Variants in NUFIP1 observed in about 807,000 individuals in gnomAD.
The protein encoded by NUFIP1 is nuclear FMR1 interacting protein 1.
A neutral mutation model predicts 56.2 loss-of-function variants in NUFIP1; 38 were observed. The observed-to-expected ratio is 0.68, with a 90% CI of 0.52 to 0.89. NUFIP1 has a LOEUF of 0.89. Among genes scored for constraint, NUFIP1 ranks in the 40% least tolerant of loss-of-function variants. The probability of loss-of-function intolerance (pLI) is 0.00; values close to 1 mark genes in which losing one functional copy is unlikely to be tolerated. For synonymous variants in NUFIP1, 215 were observed against 212.4 expected (o/e 1.01, Z -0.10); for missense variants, 567 against 605.8 (o/e 0.94, Z 0.67).
At chr13:44,957,360 C>T (rs557564991) in intron 7 of NUFIP1, among the ~76,000 whole-genome samples, 29 of 152,236 alleles carry the variant, frequency 1.9e-4, no homozygotes, top group Non-Finnish European at 3.4e-4. Flanking sequence ...TACAGGCATG[C>T]ACCATCACAC....
intron 3 of NUFIP1, among the ~76,000 whole-genome samples, chr13:44,980,329 C>T (rs990257926): frequency 9.2e-5 from 14 of 152,290 alleles, no homozygotes; most frequent in African/African-American, 3.1e-4. Flanking sequence ...TAGCTAGTAC[C>T]TGACAAGGTG....
intron 5 of NUFIP1, among the ~76,000 whole-genome samples, chr13:44,972,503 G>C (rs986835571): frequency 2.0e-5 from 3 of 152,208 alleles, no homozygotes; most frequent in African/African-American, 7.2e-5. Flanking sequence ...TGGAGGGGAG[G>C]CTGCCATCAG....
chr13:44,948,141 CTTTT>C (rs61398364), intron 8 of NUFIP1, among the ~76,000 whole-genome samples: 35 of 120,806 alleles, frequency 2.9e-4, no homozygotes, highest in Admixed American at 1.1e-3. Flanking sequence ...ACTACATTTC[CTTTT>C]TTTTTTTTTT....
chr13:44,954,452 A>C (rs1420703516), intron 7 of NUFIP1, among the ~76,000 whole-genome samples: 1 of 152,222 alleles, frequency 6.6e-6, no homozygotes. Flanking sequence ...AGTGGATTAC[A>C]GTGCTGGGTA....
At chr13:44,948,967 G>A (rs1870987496) in intron 8 of NUFIP1, among the ~76,000 whole-genome samples, 1 of 152,100 alleles carries the variant, frequency 6.6e-6, no homozygotes, top group South Asian at 2.1e-4. Context: ...GATAATTTAT[G>A]TAAATATGCT....
intron 7 of NUFIP1, among the ~76,000 whole-genome samples, chr13:44,951,069 CA>C (rs1306539664): frequency 6.6e-6 from 1 of 152,176 alleles, no homozygotes; most frequent in African/African-American, 2.4e-5. Flanking sequence ...CCTCTCTCCT[CA>C]CTACACACCA....
intron 5 of NUFIP1, among the ~76,000 whole-genome samples, chr13:44,975,933 C>T (rs941643860): frequency 1.3e-5 from 2 of 152,238 alleles, no homozygotes; most frequent in Non-Finnish European, 2.9e-5. Context: ...TTCAGACCTT[C>T]CTTATACCCT....
intron 7 of NUFIP1, among the ~76,000 whole-genome samples, chr13:44,958,913 T>C (rs1871329934): frequency 6.6e-6 from 1 of 152,204 alleles, no homozygotes; most frequent in African/African-American, 2.4e-5. Flanking sequence ...TATATAAATA[T>C]AATCTATGCT....
In NUFIP1 at chr13:44,989,224, G is replaced by A. The variant is rs114232769; in HGVS notation, c.213C>T (p.Ala71=). 357 of 1,612,068 alleles carry A rather than the reference G, an allele frequency of 2.2e-4. 2 individuals carry two copies. The East Asian group carries it at 6.2e-3, about 28-fold the overall frequency. Residue 71 remains alanine (A), a synonymous_variant, in exon 1 of 10, where the codon GCC becomes GCT. Transcript: ENST00000379161. ...GGGGCGGAGCCCCGGGGAGAGACTGGGCCTCCATGGGGGGCTGCGACTCAG... is the reference window on the plus strand; with the variant it reads ...GGGGCGGAGCCCCGGGGAGAGACTGAGCCTCCATGGGGGGCTGCGACTCAG... ...PSSESQPPME[A]QSLPGAPPPF...
At chr13:44,944,544 C>G (rs187288511) in intron 8 of NUFIP1, among the ~76,000 whole-genome samples, 37 of 152,144 alleles carry the variant, frequency 2.4e-4, no homozygotes, top group Admixed American at 9.2e-4. Context: ...AAAAATTGGA[C>G]AGAAAATTCG....
At chr13:44,941,370 G>T in intron 9 of NUFIP1, 48 bp from the exon 10 acceptor site, 1 of 1,091,920 alleles carries the variant, frequency 9.2e-7, no homozygotes, top group Middle Eastern at 2.0e-4. Context: ...AATTATATCT[G>T]GGAAATACAA....
rs1870693870 is a variant in NUFIP1 at position 44,940,407 on chromosome 13, C to CAATT, written c.*798_*799insAATT. The CAATT allele has an allele frequency of 6.6e-6, 1 of 152,208 alleles. No individual in the cohort carries two copies. Among genetic ancestry groups the CAATT allele is most frequent in the South Asian group, 2.1e-4 (1 of 4,830 alleles). The allele number at this position is 152,208 out of a possible 1,614,324, so 9.4% of individuals were successfully genotyped here. On this transcript the variant is annotated 3_prime_UTR_variant, in exon 10 of 10. Coordinates refer to ENST00000379161, the MANE Select transcript of NUFIP1 (RefSeq NM_012345.3). ...AATCACAATGTTAGGAAAAGTTAAT[C>CAATT]TTCAACTATAACAAACTAATTTTTT...
At chr13:44,984,708 A>C (rs1872320393) in intron 1 of NUFIP1, among the ~76,000 whole-genome samples, 1 of 152,082 alleles carries the variant, frequency 6.6e-6, no homozygotes, top group South Asian at 2.1e-4. Flanking sequence ...TGCAGAATTG[A>C]ATTTTTTTTT....
At chr13:44,941,834 C>T (rs1426274415) in intron 9 of NUFIP1, among the ~76,000 whole-genome samples, 2 of 152,000 alleles carry the variant, frequency 1.3e-5, no homozygotes, top group Admixed American at 1.3e-4. Flanking sequence ...GCTTTTTAAA[C>T]AGTACTAACG....
Position 44,982,137 on chromosome 13 carries a change from G to A in NUFIP1, c.430C>T (p.Pro144Ser). The change falls in exon 2 of 10, where the codon CCA becomes TCA. Residue 144 changes from proline (P) to serine (S), a missense_variant. Physicochemically the swap from Pro to Ser is moderately conservative, Grantham distance 74. Transcript: ENST00000379161. The part of the protein sequence containing the change: ...FNPAVKNSYY[P>S]RKYDAKFTDF... ...GTGAATTTTGCATCATACTTTCGTG[G>A]ATAATAAGAATTTTTAACTAAAAAA... is the stretch of plus-strand genomic sequence containing the variant. 2.0e-6 allele frequency: 3 copies of A among 1,467,566 alleles called. No homozygotes were observed. Among genetic ancestry groups the A allele is most frequent in the South Asian group, 1.6e-5 (1 of 63,244 alleles). The allele number at this position is 1,467,566 out of a possible 1,614,324, so 90.9% of individuals were successfully genotyped here.
chr13:44,987,018 C>A lies in NUFIP1; in HGVS notation c.412+2007G>T, dbSNP rs530047374. Among the ~76,000 whole-genome samples the A allele has an allele frequency of 2.0e-5, 3 of 152,146 alleles. No individual in the cohort carries two copies. The East Asian group carries it at 5.8e-4, about 29-fold the overall frequency. On this transcript the variant is annotated intron_variant, in intron 1 of 9. Coordinates refer to ENST00000379161, the MANE Select transcript of NUFIP1 (RefSeq NM_012345.3). ...TTTTTTTGTAGAGACGGGGGTCTCACTTTGTTGCCCAGGCAGGTCTCAAAC... is the reference window on the plus strand; with the variant it reads ...TTTTTTTGTAGAGACGGGGGTCTCAATTTGTTGCCCAGGCAGGTCTCAAAC...
At chr13:44,974,492 G>T (rs1165750019) in intron 5 of NUFIP1, among the ~76,000 whole-genome samples, 2 of 152,340 alleles carry the variant, frequency 1.3e-5, no homozygotes, top group East Asian at 1.9e-4. Context: ...TTAGAATCCA[G>T]GATGTGGTCA....
intron 8 of NUFIP1, among the ~76,000 whole-genome samples, chr13:44,946,956 C>A (rs894131668): frequency 6.6e-6 from 1 of 152,142 alleles, no homozygotes; most frequent in African/African-American, 2.4e-5. Flanking sequence ...TAAAATAATT[C>A]TTAAGACTTA....
chr13:44,957,516 ATC>A (rs1871285839), intron 7 of NUFIP1, among the ~76,000 whole-genome samples: 1 of 152,062 alleles, frequency 6.6e-6, no homozygotes, highest in South Asian at 2.1e-4. Context: ...CCAGCCTGAG[ATC>A]TCTCTTTCAA....
Sources: gnomAD v4.1 joint callset for allele counts (sites outside exome capture counted in the v4.1 genomes callset) on GRCh38, gnomAD v4.1.1 for gene constraint, MANE v1.5 for transcripts, NCBI Gene and HGNC (gene_info 2026-07-23, HGNC 2026-07-21) for gene names.